The following KAZN variants were observed in gnomAD, a reference collection of about 807,000 sequenced individuals.
KAZN encodes the protein kazrin.
Under a neutral mutation model 87.4 loss-of-function variants are expected in KAZN, and 40 were observed. The ratio of observed to expected loss-of-function variants is 0.46; its 90% CI spans 0.36 to 0.60. KAZN has a LOEUF of 0.60. KAZN is among the 20% of genes least tolerant of loss of function. KAZN has a pLI of 0.00. For missense variants in KAZN, 898 were observed against 1,073.9 expected (o/e 0.84, Z 2.29); for synonymous variants, 466 against 458.3 (o/e 1.02, Z -0.22).
In KAZN at chr1:14,144,315, C is replaced by T. The variant is rs533544147; in HGVS notation, c.92-36120C>T. ...GTCTTCCCCTTGTCTTTGTTTATTGCCTGACTTTGGTGGACCACATCTTCC... is the reference window on the plus strand; with the variant it reads ...GTCTTCCCCTTGTCTTTGTTTATTGTCTGACTTTGGTGGACCACATCTTCC... On this transcript the variant is annotated intron_variant, in intron 1 of 16. Transcript: ENST00000636203. 4.2e-4 allele frequency among the ~76,000 whole-genome samples: 64 copies of T among 152,208 alleles called. No individual in the cohort carries two copies. The South Asian group carries it at 0.013, about 31-fold the overall frequency.
intron 2 of KAZN, among the ~76,000 whole-genome samples, chr1:14,488,979 G>A (rs1669498714): frequency 6.6e-6 from 1 of 152,244 alleles, no homozygotes; most frequent in African/African-American, 2.4e-5. Flanking sequence ...TAAGGGTGCA[G>A]TAAATGTTTA....
At chr1:14,296,261 G>A (rs1277580290) in intron 2 of KAZN, among the ~76,000 whole-genome samples, 1 of 152,178 alleles carries the variant, frequency 6.6e-6, no homozygotes, top group African/African-American at 2.4e-5. Flanking sequence ...CTGCAGTGGT[G>A]GGTTAGGGCC....
chr1:14,089,408 G>A (rs183897327), intron 1 of KAZN, among the ~76,000 whole-genome samples: 1 of 151,728 alleles, frequency 6.6e-6, no homozygotes, highest in African/African-American at 2.4e-5. Context: ...TATTTTTTAT[G>A]ATTCTATTTT....
At chr1:14,805,991 A>G (rs1470283429) in intron 1 of KAZN, among the ~76,000 whole-genome samples, 4 of 152,152 alleles carry the variant, frequency 2.6e-5, no homozygotes, top group Admixed American at 1.3e-4. Flanking sequence ...TGGATGGTAA[A>G]GGTTGCTTTT....
chr1:14,265,448 G>C (rs1651400604), intron 2 of KAZN, among the ~76,000 whole-genome samples: 1 of 152,222 alleles, frequency 6.6e-6, no homozygotes, highest in East Asian at 1.9e-4. Context: ...CAAGGTTGCT[G>C]GCTGCATGGT....
At chr1:13,929,254 C>T (rs1459422074) in intron 1 of KAZN, among the ~76,000 whole-genome samples, 1 of 151,986 alleles carries the variant, frequency 6.6e-6, no homozygotes, top group African/African-American at 2.4e-5. Context: ...CCCTTGGACC[C>T]AGGAGTGGCA....
chr1:14,695,281 C>T (rs1008476276), intron 1 of KAZN, among the ~76,000 whole-genome samples: 34 of 152,272 alleles, frequency 2.2e-4, no homozygotes, highest in African/African-American at 7.7e-4. Context: ...ATAGCTCCAG[C>T]TGGCCTTATA....
chr1:15,054,265 C>A (rs563101236), intron 4 of KAZN, among the ~76,000 whole-genome samples: 5 of 150,918 alleles, frequency 3.3e-5, no homozygotes, highest in Admixed American at 3.3e-4. Context: ...TCTGTAGCTA[C>A]CCCGGAAACG....
At chr1:14,517,079 G>T (rs924465928) in intron 2 of KAZN, among the ~76,000 whole-genome samples, 3 of 152,124 alleles carry the variant, frequency 2.0e-5, no homozygotes, top group African/African-American at 7.2e-5. Context: ...GATGCAAAGA[G>T]ACAGAGAGAG....
At chr1:14,039,012 A>C (rs1444349654) in intron 1 of KAZN, among the ~76,000 whole-genome samples, 3 of 151,872 alleles carry the variant, frequency 2.0e-5, no homozygotes, top group Non-Finnish European at 2.9e-5. Flanking sequence ...AAAAATACAC[A>C]CACAAAAAAT....
At chr1:14,145,050 A>G (rs1645316661) in intron 1 of KAZN, among the ~76,000 whole-genome samples, 1 of 152,078 alleles carries the variant, frequency 6.6e-6, no homozygotes, top group African/African-American at 2.4e-5. Flanking sequence ...TGTTTAATCA[A>G]TTTTCAGACC....
chr1:14,649,381 G>T (rs537456223), intron 1 of KAZN, among the ~76,000 whole-genome samples: 1 of 152,182 alleles, frequency 6.6e-6, no homozygotes, highest in Non-Finnish European at 1.5e-5. Context: ...CTTGTGGATC[G>T]TCACACAGCA....
chr1:14,162,158 T>C (rs1384745620), intron 1 of KAZN, among the ~76,000 whole-genome samples: 3 of 152,218 alleles, frequency 2.0e-5, no homozygotes, highest in Admixed American at 1.3e-4. Flanking sequence ...CTGTTCCTTT[T>C]ATATAAAAGA....
intron 1 of KAZN, among the ~76,000 whole-genome samples, chr1:14,800,251 T>A (rs1645966619): frequency 6.6e-6 from 1 of 152,162 alleles, no homozygotes; most frequent in Non-Finnish European, 1.5e-5. Flanking sequence ...CCACGAGAAC[T>A]GAAAACGTGT....
chr1:14,864,582 CGATGGGCTTTGCTAAGTGGGTATAAAGGT>C (rs1651237965), intron 1 of KAZN, among the ~76,000 whole-genome samples: 1 of 152,066 alleles, frequency 6.6e-6, no homozygotes, highest in South Asian at 2.1e-4. Flanking sequence ...AACAAACAAA[CGATGGGCTTTGCTAAGTGGGTATAAAGGT>C]GGGACGGACA....
At chr1:14,716,834 T>G (rs371775573) in intron 1 of KAZN, among the ~76,000 whole-genome samples, 2 of 152,262 alleles carry the variant, frequency 1.3e-5, no homozygotes, top group East Asian at 3.9e-4. Flanking sequence ...CACTTGGTTT[T>G]GTTAAATCCA....
chr1:14,392,482 CCT>C (rs1662534341), intron 2 of KAZN, among the ~76,000 whole-genome samples: 1 of 152,056 alleles, frequency 6.6e-6, no homozygotes, highest in South Asian at 2.1e-4. Flanking sequence ...CACACCAGAC[CCT>C]GTGGAGGGTG....
intron 1 of KAZN, among the ~76,000 whole-genome samples, chr1:14,642,007 C>T (rs11590032): frequency 0.18 from 27,184 of 152,202 alleles, 2,614 homozygotes; most frequent in South Asian, 0.28. Flanking sequence ...TGGCAAAAGA[C>T]ATGAACTCAA....
intron 2 of KAZN, among the ~76,000 whole-genome samples, chr1:14,212,438 C>T (rs927853906): frequency 6.7e-6 from 1 of 150,272 alleles, no homozygotes; most frequent in African/African-American, 2.5e-5. Context: ...AAAAAGACGA[C>T]TAGCTCTTTT....
Sources: gnomAD v4.1 joint callset for allele counts (sites outside exome capture counted in the v4.1 genomes callset) on GRCh38, gnomAD v4.1.1 for gene constraint, MANE v1.5 for transcripts, NCBI Gene and HGNC (gene_info 2026-07-23, HGNC 2026-07-21) for gene names.